The following CACNA1F variants were observed in gnomAD, a reference collection of about 807,000 sequenced individuals.
The protein encoded by CACNA1F is voltage-dependent L-type calcium channel subunit alpha-1F.
In CACNA1F, 59 loss-of-function variants were observed where a neutral mutation model predicts 143.8. The ratio of observed to expected loss-of-function variants is 0.41; its 90% CI spans 0.33 to 0.51. CACNA1F has a LOEUF of 0.51. Ranked by LOEUF, CACNA1F falls within the 20% of genes least tolerant of loss-of-function variation. The pLI, the probability that CACNA1F is intolerant of heterozygous loss-of-function variation, is 0.22. For synonymous variants in CACNA1F, 643 were observed against 649.1 expected (o/e 0.99, Z 0.14); for missense variants, 1,411 against 1,647.5 (o/e 0.86, Z 2.48).
In CACNA1F at chrX:49,224,877, G is replaced by C. The variant is rs2065808409; in HGVS notation, c.1761C>G (p.Cys587Trp). 8.3e-7 allele frequency: 1 copy of C among 1,204,234 alleles called. No homozygotes were observed. The highest frequency in any genetic ancestry group is 2.2e-5 in the Admixed American group (1 of 45,632). Reference sequence around the variant, plus strand: ...CTAGGATGCCCCCACAGACCACAAAGCAGTCAAAGCGGTTGAAGAAGGAAG... The same window carrying C: ...CTAGGATGCCCCCACAGACCACAAACCAGTCAAAGCGGTTGAAGAAGGAAG... Reference protein sequence around the residue: ...YVSSFFNRFDCFVVCGGILET... With the variant: ...YVSSFFNRFDWFVVCGGILET... Residue 587 changes from cysteine to tryptophan, a missense_variant, in exon 14 of 48, where the codon TGC becomes TGG. By Grantham distance (215) the Cys-to-Trp change is radical. This residue lies in a region of CACNA1F where 950 missense variants were observed against 1,128.1 expected (regional missense o/e 0.84). Coordinates refer to ENST00000323022, the MANE Select transcript of CACNA1F (RefSeq NM_001256789.3).
Position 49,230,280 on chromosome X carries a change from T to C in CACNA1F, c.757A>G (p.Ile253Val), listed in dbSNP as rs2065864196. 8.3e-7 allele frequency: 1 copy of C among 1,205,036 alleles called. No homozygotes were observed. Among genetic ancestry groups the C allele is most frequent in the South Asian group, 1.8e-5 (1 of 56,036 alleles). The change falls in exon 6 of 48, where the codon ATC becomes GTC. Residue 253 changes from isoleucine (I) to valine (V), a missense_variant. Around this residue, in one of 3 missense-constraint regions of CACNA1F, gnomAD observed 950 missense variants for 1,128.1 expected, o/e 0.84. Transcript: ENST00000323022. Reference protein sequence around the residue: ...LVLFVIIIYAIIGLELFLGRM... With the variant: ...LVLFVIIIYAVIGLELFLGRM... ...CCAAGGAACAGCTCGAGCCCAATGA[T>C]GGCATAAATGATGATGACGAAGAGC... is the stretch of plus-strand genomic sequence containing the variant.
chrX:49,215,444 G>C lies in CACNA1F; in HGVS notation c.3336C>G (p.Ile1112Met), dbSNP rs1557107163. ...AGATGTTCATCATGAAGAACGCAAT[G>C]ATGATGATGTAGACAATGAAGAACA... ...ISVFFIVYII[I>M]IAFFMMNIFV... is the part of the protein sequence containing the mutation. Residue 1112 changes from isoleucine to methionine, a missense_variant, in exon 28 of 48, where the codon ATC becomes ATG. Physicochemically the swap from Ile to Met is conservative, Grantham distance 10. Around this residue, in one of 3 missense-constraint regions of CACNA1F, gnomAD observed 950 missense variants for 1,128.1 expected, o/e 0.84. Coordinates refer to ENST00000323022, the MANE Select transcript of CACNA1F (RefSeq NM_001256789.3). 8.3e-7 allele frequency: 1 copy of C among 1,204,603 alleles called. No homozygotes were observed. The highest frequency in any genetic ancestry group is 1.1e-6 in the Non-Finnish European group (1 of 889,518).
At chrX:49,217,453 C>T (rs1411001201) in intron 26 of CACNA1F, among the ~76,000 whole-genome samples, 2 of 112,173 alleles carry the variant, frequency 1.8e-5, no homozygotes, top group Non-Finnish European at 3.8e-5. Flanking sequence ...TAATGTCTGA[C>T]TTCACAGCCC....
rs782416106 is a variant in CACNA1F at position 49,224,880 on chromosome X, G to T, written c.1758C>A (p.Asp586Glu). ...GGATGCCCCCACAGACCACAAAGCA[G>T]TCAAAGCGGTTGAAGAAGGAAGACA... ...AYVSSFFNRF[D>E]CFVVCGGILE... The change falls in exon 14 of 48, where the codon GAC (aspartate) becomes GAA (glutamate). Residue 586 changes from aspartate (D) to glutamate (E), a missense_variant. By Grantham distance (45) the Asp-to-Glu change is conservative. This residue lies in a region of CACNA1F where 950 missense variants were observed against 1,128.1 expected (regional missense o/e 0.84). Transcript: ENST00000323022. 10 of 1,204,957 alleles carry T rather than the reference G, an allele frequency of 8.3e-6. No individual in the cohort carries two copies.
chrX:49,216,019 C>T (rs924735625), intron 27 of CACNA1F, among the ~76,000 whole-genome samples: 2 of 110,036 alleles, frequency 1.8e-5, no homozygotes, highest in Admixed American at 9.7e-5. Flanking sequence ...TTCTAGAAAT[C>T]GCTGAATCCC....
chrX:49,210,582 G>A lies in CACNA1F; in HGVS notation c.4485+8C>T, dbSNP rs2065647428. The A allele has an allele frequency of 8.3e-7, 1 of 1,198,864 alleles. No homozygotes were observed. Among genetic ancestry groups the A allele is most frequent in the Admixed American group, 2.2e-5 (1 of 45,719 alleles). ...CTCAGGAGCCTGGGGGTGGGCAGGTGCACAGACCTTGCAGGCCACTCGGTG... is the reference window on the plus strand; with the variant it reads ...CTCAGGAGCCTGGGGGTGGGCAGGTACACAGACCTTGCAGGCCACTCGGTG... On this transcript the variant is annotated splice_region_variant and intron_variant, in intron 38 of 47. Transcript: ENST00000323022.
At chrX:49,228,627 C>T (rs1300416530) in intron 6 of CACNA1F, among the ~76,000 whole-genome samples, 180 bp from the exon 7 acceptor site, 2 of 112,157 alleles carry the variant, frequency 1.8e-5, no homozygotes, top group Admixed American at 9.4e-5. Context: ...TGCAGTGGCA[C>T]GATCTCGGCT....
intron 2 of CACNA1F, 122 bp downstream of exon 2, chrX:49,231,556 C>G: frequency 1.1e-6 from 1 of 951,783 alleles, no homozygotes; most frequent in South Asian, 2.0e-5. Context: ...CCCCCCAACC[C>G]AGTTCTTGAC....
intron 14 of CACNA1F, among the ~76,000 whole-genome samples, chrX:49,224,247 T>C (rs189978589): frequency 8.4e-4 from 93 of 110,255 alleles, no homozygotes; most frequent in African/African-American, 2.9e-3. Flanking sequence ...TGGTTAAGGG[T>C]TAGGGACGTG....
In CACNA1F at chrX:49,212,970, C is replaced by T. The variant is rs782197383; in HGVS notation, c.3813+4G>A. 3.3e-6 allele frequency: 4 copies of T among 1,203,941 alleles called. No homozygotes were observed. The highest frequency in any genetic ancestry group is 4.5e-6 in the Non-Finnish European group (4 of 890,592). On this transcript the variant is annotated splice_donor_region_variant and intron_variant, in intron 32 of 47. Transcript: ENST00000323022. ...AGAGAGTCCCTGTTATTAGGGTGGG[C>T]TACCTCGCCAAGGTGGCCACCATTC...
In CACNA1F at chrX:49,228,430, C is replaced by T. The variant is rs2065846236; in HGVS notation, c.835G>A (p.Asp279Asn). The T allele has an allele frequency of 8.3e-7, 1 of 1,204,450 alleles. No homozygotes were observed. Among genetic ancestry groups the T allele is most frequent in the Non-Finnish European group, 1.1e-6 (1 of 891,153 alleles). ...CCCGAAGACGCACAGGGCGATGGGT[C>T]CTCCTCCGCTTCCATGTCTGCAGGA... The part of the protein sequence containing the change: ...FLGSDMEAEE[D>N]PSPCASSGSG... The change falls in exon 7 of 48, where the codon GAC (aspartate) becomes AAC (asparagine). Residue 279 changes from aspartate to asparagine, a missense_variant. This residue lies in a region of CACNA1F where 950 missense variants were observed against 1,128.1 expected (regional missense o/e 0.84). Transcript: ENST00000323022.
intron 34 of CACNA1F, 87 bp from the exon 35 acceptor site, chrX:49,212,076 C>T (rs2065662559): frequency 1.2e-6 from 1 of 858,910 alleles, no homozygotes. Flanking sequence ...GCCTCATAAC[C>T]CTGACAAACA....
chrX:49,224,556 C>T (rs1284908270), intron 14 of CACNA1F, among the ~76,000 whole-genome samples: 6 of 111,183 alleles, frequency 5.4e-5, no homozygotes, highest in Non-Finnish European at 1.1e-4. Flanking sequence ...AGTAGACATT[C>T]TCCCCAGTGG....
In CACNA1F at chrX:49,214,228, G is replaced by A. The variant is rs1362541235; in HGVS notation, c.3639C>T (p.Ile1213=). 6 of 1,198,933 alleles carry A rather than the reference G, an allele frequency of 5.0e-6. No homozygotes were observed. Among genetic ancestry groups the A allele is most frequent in the Non-Finnish European group, 5.7e-6 (5 of 884,511 alleles). The change falls in exon 30 of 48, where the codon ATC becomes ATT. Residue 1213 remains isoleucine, a synonymous_variant. Coordinates refer to ENST00000323022, the MANE Select transcript of CACNA1F (RefSeq NM_001256789.3). The stretch of plus-strand genomic sequence containing the variant: ...AGAGGCCAGTGAAGACCATGTTGAG[G>A]ATGTCCATGGCATAGTTGAAGGGAG... ...QTAPFNYAMD[I]LNMVFTGLFT... is the part of the protein sequence containing the mutation.
Position 49,206,720 on chromosome X carries a change from G to C in CACNA1F, c.5359+8C>G. On this transcript the variant is annotated splice_region_variant and intron_variant, in intron 45 of 47. Coordinates refer to ENST00000323022, the MANE Select transcript of CACNA1F (RefSeq NM_001256789.3). Reference sequence around the variant, plus strand: ...GTGGGGGCCCCTTGGATCCATCCCTGCTCTCACCTGCAGGTGTGGGGGGCA... The same window carrying C: ...GTGGGGGCCCCTTGGATCCATCCCTCCTCTCACCTGCAGGTGTGGGGGGCA... 8.3e-7 allele frequency: 1 copy of C among 1,204,455 alleles called. No individual in the cohort carries two copies. The highest frequency in any genetic ancestry group is 1.1e-6 in the Non-Finnish European group (1 of 891,074).
At chrX:49,217,600 C>G (rs868990545) in intron 26 of CACNA1F, among the ~76,000 whole-genome samples, 155 bp downstream of exon 26, 2 of 109,091 alleles carry the variant, frequency 1.8e-5, no homozygotes, top group African/African-American at 6.7e-5. Context: ...GGGGAGGTAT[C>G]GGGGGGCCGC....
Position 49,218,955 on chromosome X carries a change from AAG to A in CACNA1F, c.2674-16_2674-15del. Reference sequence around the variant, plus strand: ...GTAACCCAGAATCTGGGGTGTGAGAAAGAGCGGGGAGCCACTGAGTCACGGCT... The same window carrying A: ...GTAACCCAGAATCTGGGGTGTGAGAAAGCGGGGAGCCACTGAGTCACGGCT... On this transcript the variant is annotated splice_polypyrimidine_tract_variant and intron_variant, in intron 21 of 47. Coordinates refer to ENST00000323022, the MANE Select transcript of CACNA1F (RefSeq NM_001256789.3). 5.9e-6 allele frequency: 7 copies of A among 1,184,943 alleles called. No individual in the cohort carries two copies. The highest frequency in any genetic ancestry group is 8.0e-6 in the Non-Finnish European group (7 of 872,183).
chrX:49,205,185 G>A lies in CACNA1F; in HGVS notation c.5853C>T (p.Phe1951=). Residue 1951 remains phenylalanine (F), a synonymous_variant, in exon 48 of 48, where the codon TTC becomes TTT. Transcript: ENST00000323022. ...YSDEESILSR[F]DEEDLGDEMA... ...TCTCGTCTCCCAAGTCCTCCTCATC[G>A]AAGCGGGAGAGGATGGACTCCTCGT... The A allele has an allele frequency of 1.7e-6, 2 of 1,210,821 alleles. No homozygotes were observed. The highest frequency in any genetic ancestry group is 2.2e-6 in the Non-Finnish European group (2 of 894,678).
Position 49,206,524 on chromosome X carries a change from G to A in CACNA1F, c.5459C>T (p.Pro1820Leu). ...CCACAGCCTCACCTGAGCCCTATTG[G>A]GCCCTGAATTTCGCCCACGATGATA... ...GTYHRGRNSG[P>L]NRAQGSWATP... is the part of the protein sequence containing the mutation. The change falls in exon 46 of 48, where the codon CCC becomes CTC. Residue 1820 changes from proline to leucine, a missense_variant. Transcript: ENST00000323022. 8.3e-7 allele frequency: 1 copy of A among 1,203,388 alleles called. No individual in the cohort carries two copies. Among genetic ancestry groups the A allele is most frequent in the African/African-American group, 1.7e-5 (1 of 57,594 alleles).
Sources: allele counts gnomAD v4.1 joint callset (sites outside exome capture counted in the v4.1 genomes callset), GRCh38; gene constraint gnomAD v4.1.1; regional missense constraint gnomAD v4.1.1; transcripts MANE v1.5; gene names NCBI Gene and HGNC (gene_info 2026-07-23, HGNC 2026-07-21).